PROM2: variants seen among roughly 807,000 people sequenced by gnomAD.
PROM2 encodes the protein prominin 2.
A neutral mutation model predicts 110.2 loss-of-function variants in PROM2; 90 were observed. The observed-to-expected ratio is 0.82, with a 90% CI of 0.69 to 0.97. PROM2 has a LOEUF of 0.97. Ranked by LOEUF, PROM2 falls within the 50% of genes least tolerant of loss-of-function variation. The pLI is 0.00. For synonymous variants in PROM2, 470 were observed against 467.8 expected, an observed-to-expected ratio of 1.00 and a Z score of -0.06; for missense variants, 1,009 against 1,074.8, an observed-to-expected ratio of 0.94 and a Z score of 0.86.
At chr2:95,279,634 G>C (rs534843501) in intron 10 of PROM2, among the ~76,000 whole-genome samples, 5 of 152,208 alleles carry the variant, frequency 3.3e-5, no homozygotes, top group Admixed American at 3.3e-4. Context: ...TGACTCCAGA[G>C]GCCTCCAAGT....
At chr2:95,280,195 C>T (rs1411593339) in intron 11 of PROM2, among the ~76,000 whole-genome samples, 198 bp downstream of exon 11, 1 of 152,162 alleles carries the variant, frequency 6.6e-6, no homozygotes, top group Non-Finnish European at 1.5e-5. Flanking sequence ...AATGGGCACT[C>T]CTTACCCTGA....
intron 7 of PROM2, 50 bp from the exon 8 acceptor site, chr2:95,277,880 C>T (rs1354212353): frequency 6.6e-7 from 1 of 1,526,276 alleles, no homozygotes; most frequent in Non-Finnish European, 9.0e-7. Context: ...CAGGGATCCC[C>T]TTCAGGCCTC....
chr2:95,279,713 G>A, intron 10 of PROM2, 132 bp from the exon 11 acceptor site: 1 of 644,846 alleles, frequency 1.6e-6, no homozygotes, highest in East Asian at 3.1e-5. Context: ...GCCTCAGGAA[G>A]AGTCTGTATC....
chr2:95,288,809 G>T (rs1677535261), intron 22 of PROM2, 124 bp from the exon 23 acceptor site: 1 of 1,029,830 alleles, frequency 9.7e-7, no homozygotes. Flanking sequence ...GCAGCTTCGT[G>T]GGACCCTTCC....
Position 95,288,270 on chromosome 2 carries a change from G to A in PROM2, c.2304G>A (p.Val768=). 6.2e-7 allele frequency: 1 copy of A among 1,614,110 alleles called. No homozygotes were observed. The highest frequency in any genetic ancestry group is 8.5e-7 in the Non-Finnish European group (1 of 1,180,040). ...CCGGAGCCCTGGACAACAGCCGTGT[G>A]ATCCTGTGTGACATGATGGCTGACC... is the stretch of plus-strand genomic sequence containing the variant. ...PLSGALDNSR[V]ILCDMMADPW... is the part of the protein sequence containing the mutation. The change falls in exon 21 of 24, where the codon GTG becomes GTA. Residue 768 remains valine (V), a synonymous_variant. Coordinates refer to ENST00000317620, the MANE Select transcript of PROM2 (RefSeq NM_001165978.3).
intron 8 of PROM2, chr2:95,278,270 CT>C: frequency 1.8e-6 from 1 of 568,636 alleles, no homozygotes. Flanking sequence ...GGCGGCTCCC[CT>C]GGGTGGAGAT....
At chr2:95,277,878 C>A in intron 7 of PROM2, 52 bp from the exon 8 acceptor site, 1 of 1,497,688 alleles carries the variant, frequency 6.7e-7, no homozygotes, top group Non-Finnish European at 9.2e-7. Context: ...CTCAGGGATC[C>A]CCTTCAGGCC....
chr2:95,279,807 C>G (rs755364735), intron 10 of PROM2, 38 bp from the exon 11 acceptor site: 2 of 1,382,650 alleles, frequency 1.4e-6, no homozygotes, highest in Non-Finnish European at 1.9e-6. Flanking sequence ...TGCCAGCCAC[C>G]TCCTTTCTTA....
In PROM2 at chr2:95,288,964, C is replaced by T. The variant is rs745837117; in HGVS notation, c.2473C>T (p.His825Tyr). 4.0e-5 allele frequency: 64 copies of T among 1,613,980 alleles called. No individual in the cohort carries two copies. The Admixed American group carries it at 9.7e-4, about 24-fold the overall frequency. ...CAGCTCTGAGGAGACTCAGCTCTTC[C>T]ACATCCCCCGGGTTACCTCCCTGAA... is the stretch of plus-strand genomic sequence containing the variant. ...STSSEETQLF[H>Y]IPRVTSLKL is the part of the protein sequence containing the mutation. The change falls in exon 23 of 24, where the codon CAC becomes TAC. Residue 825 changes from histidine to tyrosine, a missense_variant. Physicochemically the swap from His to Tyr is moderately conservative, Grantham distance 83. Coordinates refer to ENST00000317620, the MANE Select transcript of PROM2 (RefSeq NM_001165978.3).
chr2:95,278,536 G>A, intron 8 of PROM2, 185 bp from the exon 9 acceptor site: 1 of 677,610 alleles, frequency 1.5e-6, no homozygotes, highest in Non-Finnish European at 2.7e-6. Context: ...TCCGGGAGGA[G>A]CAACGTTTTG....
At chr2:95,286,721 C>T (rs1186843579) in intron 17 of PROM2, 83 bp from the exon 18 acceptor site, 103 of 908,714 alleles carry the variant, frequency 1.1e-4, no homozygotes, top group Non-Finnish European at 1.7e-4. Flanking sequence ...CTCCCCTCCC[C>T]TCCACTCCCC....
intron 11 of PROM2, 68 bp downstream of exon 11, chr2:95,280,065 G>A: frequency 7.5e-7 from 1 of 1,333,816 alleles, no homozygotes; most frequent in Admixed American, 3.1e-5. Context: ...TCGCTCCTGA[G>A]CATAGCTCCC....
intron 22 of PROM2, 96 bp from the exon 23 acceptor site, chr2:95,288,837 C>T: frequency 1.6e-6 from 2 of 1,289,510 alleles, no homozygotes; most frequent in Non-Finnish European, 2.3e-6. Flanking sequence ...CACAGGGCTT[C>T]CGAGGAGAAA....
At position 95,285,726 on chromosome 2, in the gene PROM2, G is replaced by T; in HGVS notation, c.1947+16G>T. The T allele has an allele frequency of 6.3e-7, 1 of 1,582,624 alleles. No homozygotes were observed. Among genetic ancestry groups the T allele is most frequent in the Non-Finnish European group, 8.6e-7 (1 of 1,163,772 alleles). ...CCAGGCCCAAGTGAGTGGGAAACAG[G>T]GCCCCGACTGGGCAGCAGGAGCCAC... On this transcript the variant is annotated intron_variant, in intron 16 of 23. Transcript: ENST00000317620.
At chr2:95,287,587 C>G (rs750535424) in intron 20 of PROM2, 123 bp downstream of exon 20, 18 of 891,714 alleles carry the variant, frequency 2.0e-5, no homozygotes, top group Non-Finnish European at 3.1e-5. Context: ...AGGATCAAAC[C>G]CAAACTCCCA....
chr2:95,278,317 G>A lies in PROM2; in HGVS notation c.1050+313G>A, dbSNP rs530368331. The A allele has an allele frequency of 1.6e-3, 879 of 538,600 alleles. 4 individuals carry two copies. Among genetic ancestry groups the A allele is most frequent in the Middle Eastern group, 0.01 (21 of 2,012 alleles). The allele number at this position is 538,600 out of a possible 1,614,324, so 33.4% of individuals were successfully genotyped here. ...GGAGGATGCGGTGTTGTGAGTCAGC[G>A]CCCAGGACCCAGGACCTGGAGCTGG... On this transcript the variant is annotated intron_variant, in intron 8 of 23. Transcript: ENST00000317620.
Position 95,275,023 on chromosome 2 carries a change from G to A in PROM2, c.244+194G>A. The stretch of plus-strand genomic sequence containing the variant: ...TGGGTAAGCCTCACTTCCTCTCTGA[G>A]CCTCAGGTGCTCTGTCTGTAAAGTG... On this transcript the variant is annotated intron_variant, in intron 1 of 23. Coordinates refer to ENST00000317620, the MANE Select transcript of PROM2 (RefSeq NM_001165978.3). This position sits in a 1 kb window ranked among gnomAD's most constrained non-coding sequence, Gnocchi z 4.4. 3.3e-6 allele frequency: 2 copies of A among 604,686 alleles called. No homozygotes were observed. The highest frequency in any genetic ancestry group is 6.1e-5 in the South Asian group (2 of 32,768). 37.5% of individuals were successfully genotyped at this position (604,686 alleles called of 1,614,324 possible).
Position 95,276,070 on chromosome 2 carries a change from G to A in PROM2, c.435G>A (p.Lys145=). The A allele has an allele frequency of 6.2e-7, 1 of 1,611,334 alleles. No homozygotes were observed. The highest frequency in any genetic ancestry group is 8.5e-7 in the Non-Finnish European group (1 of 1,179,864). ...GGGGACGAGTGAAGACAGAGCACAA[G>A]GCGCTGGCCTGTGAGCGCGCGGCCC... The part of the protein sequence containing the change: ...RCGGRVKTEH[K]ALACERAALM... The change falls in exon 3 of 24, where the codon AAG becomes AAA. Residue 145 remains lysine, a synonymous_variant. Transcript: ENST00000317620. The surrounding 1 kb of genome is among the most constrained non-coding windows in gnomAD (Gnocchi z 4.6).
Position 95,275,995 on chromosome 2 carries a change from GC to G in PROM2, c.363del (p.Thr122LeufsTer19). On this transcript the variant is annotated frameshift_variant, in exon 3 of 24. Coordinates refer to ENST00000317620, the MANE Select transcript of PROM2 (RefSeq NM_001165978.3). LOFTEE classifies it high-confidence loss of function. This position sits in a 1 kb window ranked among gnomAD's most constrained non-coding sequence, Gnocchi z 4.4. Reference sequence around the variant, plus strand: ...TCGCGGGCCTCTACCTGCTGCTGGTGCCCACTGCCGGGCTTTGCTTCTGCTG... The same window carrying G: ...TCGCGGGCCTCTACCTGCTGCTGGTGCCACTGCCGGGCTTTGCTTCTGCTG... ...VIAGLYLLLV[P>X]TAGLCFCCCR... 1 of 1,612,046 alleles carries G rather than the reference GC, an allele frequency of 6.2e-7. No homozygotes were observed.
Sources: allele counts gnomAD v4.1 joint callset (sites outside exome capture counted in the v4.1 genomes callset), GRCh38; gene constraint gnomAD v4.1.1; non-coding constraint Gnocchi (gnomAD v3.1); transcripts MANE v1.5; gene names NCBI Gene and HGNC (gene_info 2026-07-23, HGNC 2026-07-21).